Variants in TMEM255A observed in about 807,000 individuals in gnomAD.
The protein encoded by TMEM255A is family with sequence similarity 70, member A.
In TMEM255A, 14 loss-of-function variants were observed where a neutral mutation model predicts 23.5. That is an observed-to-expected ratio of 0.60 (90% CI 0.39 to 0.93). The LOEUF is 0.93. Ranked by LOEUF, TMEM255A falls within the 40% of genes least tolerant of loss-of-function variation. The probability of loss-of-function intolerance (pLI) is 0.00; values close to 1 mark genes in which losing one functional copy is unlikely to be tolerated. For synonymous variants in TMEM255A, 104 were observed against 100.3 expected, an observed-to-expected ratio of 1.04 and a Z score of -0.22; for missense variants, 233 against 261.7, an observed-to-expected ratio of 0.89 and a Z score of 0.76.
At chrX:120,295,312 A>T (rs2147207294) in intron 2 of TMEM255A, among the ~76,000 whole-genome samples, 1 of 110,992 alleles carries the variant, frequency 9.0e-6, no homozygotes, top group African/African-American at 3.3e-5. Context: ...TCAATTTGAG[A>T]CCCCCAAGCC....
rs145224960 is a variant in TMEM255A, at chrX:120,294,118, C to T, written c.202-67G>A. 2,919 of 856,753 alleles carry T rather than the reference C, an allele frequency of 3.4e-3. 50 individuals are homozygous for T. The African/African-American group carries it at 0.052, about 15-fold the overall frequency. The allele number at this position is 856,753 out of a possible 1,213,427, so 70.6% of individuals were successfully genotyped here. A position where few individuals can be genotyped will look rare whatever the true frequency, so the allele number is the denominator to read the frequency against. ...CAGGCTGACCACACAATCATTCCAG[C>T]CCCTTCATATGATTCAGGATAAAAG... On this transcript the variant is annotated intron_variant, in intron 2 of 8. Transcript: ENST00000371369.
At chrX:120,294,337 G>A (rs1209281424) in intron 2 of TMEM255A, among the ~76,000 whole-genome samples, 1 of 106,634 alleles carries the variant, frequency 9.4e-6, no homozygotes, top group African/African-American at 3.4e-5. Flanking sequence ...GGGAGGCTGA[G>A]GCAGGAGAAT....
rs186429083 is a variant in TMEM255A, at chrX:120,303,974, A to G, written c.201+375T>C. ...TTGGTCAGAGTGTCAAGCTGCCAGG[A>G]TCCTCAGATTTCAGGTGAGATCAGA... On this transcript the variant is annotated intron_variant, in intron 2 of 8. Coordinates refer to ENST00000371369, the MANE Select transcript of TMEM255A (RefSeq NM_001104544.3). Among the ~76,000 whole-genome samples the G allele has an allele frequency of 1.1e-3, 125 of 111,474 alleles. 2 individuals are homozygous for G. Among genetic ancestry groups the G allele is most frequent in the Non-Finnish European group, 4.1e-4 (22 of 53,096 alleles).
chrX:120,253,410 A>C, the TMEM255A span: 1 of 1,195,531 alleles, frequency 8.4e-7, no homozygotes, highest in Non-Finnish European at 1.1e-6. Context: ...TCTTTCTCTT[A>C]AAGGCATGGA....
intron 4 of TMEM255A, among the ~76,000 whole-genome samples, chrX:120,288,136 T>C (rs1247310862): frequency 3.6e-5 from 4 of 112,008 alleles, no homozygotes; most frequent in Admixed American, 2.8e-4. Context: ...AATTTATGTA[T>C]TGTCTCCTTC....
intron 2 of TMEM255A, among the ~76,000 whole-genome samples, chrX:120,296,986 TA>T (rs2057989015): frequency 2.6e-4 from 1 of 3,840 alleles, no homozygotes; most frequent in African/African-American, 1.7e-3. Context: ...ATATATTATA[TA>T]TATATTATAT....
At chrX:120,257,486 G>T (rs1394985917), downstream of TMEM255A, 9 of 122,837 alleles carry the variant, frequency 7.3e-5, no homozygotes, top group African/African-American at 2.9e-4. Context: ...TGACAAACCA[G>T]GAACTAATTC....
At chrX:120,296,714 A>C (rs1470397110) in intron 2 of TMEM255A, among the ~76,000 whole-genome samples, 1 of 47,187 alleles carries the variant, frequency 2.1e-5, no homozygotes, top group Non-Finnish European at 3.5e-5. Context: ...TAGGTAAATA[A>C]ATTTAATATA....
chrX:120,311,071 G>A (rs1556028265), intron 1 of TMEM255A, among the ~76,000 whole-genome samples, 181 bp downstream of exon 1: 2 of 111,121 alleles, frequency 1.8e-5, no homozygotes, highest in African/African-American at 3.3e-5. Flanking sequence ...CGCTCCCGCT[G>A]CAGCCAGGCC....
intron 2 of TMEM255A, among the ~76,000 whole-genome samples, chrX:120,297,045 TA>T (rs1326048659): frequency 3.0e-4 from 2 of 6,693 alleles, no homozygotes; most frequent in South Asian, 0.02. Flanking sequence ...ATATAATATA[TA>T]ATATAATATA....
chrX:120,270,929 C>T (rs1002425659), intron 7 of TMEM255A, among the ~76,000 whole-genome samples: 7 of 111,319 alleles, frequency 6.3e-5, no homozygotes, highest in African/African-American at 2.3e-4. Context: ...ACTTTTTACA[C>T]CATGGTCTTA....
intron 5 of TMEM255A, chrX:120,285,628 T>C: frequency 8.3e-7 from 1 of 1,211,555 alleles, no homozygotes; most frequent in East Asian, 3.0e-5. Context: ...ATAGTACCTC[T>C]CTAGCTGCCT....
rs2057661942 is a variant in TMEM255A, at chrX:120,259,534, T to A, written c.*1336A>T. 8.9e-6 allele frequency: 1 copy of A among 111,957 alleles called. No homozygotes were observed. Among genetic ancestry groups the A allele is most frequent in the African/African-American group, 3.3e-5 (1 of 30,662 alleles). 9.2% of individuals were successfully genotyped at this position (111,957 alleles called of 1,213,427 possible). ...AGTGTGTGTTCTGTGTTTGGAGAAC[T>A]GTCTAATTAGGTACCCTCCTGTAGC... On this transcript the variant is annotated 3_prime_UTR_variant, in exon 9 of 9. Coordinates refer to ENST00000371369, the MANE Select transcript of TMEM255A (RefSeq NM_001104544.3).
chrX:120,308,703 T>A (rs1194771222), intron 1 of TMEM255A, among the ~76,000 whole-genome samples: 1 of 112,117 alleles, frequency 8.9e-6, no homozygotes, highest in African/African-American at 3.2e-5. Context: ...GAGGAAGGAA[T>A]GCCCTACTGT....
At chrX:120,268,034 G>A (rs782037870) in intron 8 of TMEM255A, among the ~76,000 whole-genome samples, 1 of 110,874 alleles carries the variant, frequency 9.0e-6, no homozygotes, top group Non-Finnish European at 1.9e-5. Context: ...CTTCTCTTGC[G>A]CAGCTTCCAC....
At chrX:120,270,313 A>G (rs926726087) in intron 7 of TMEM255A, among the ~76,000 whole-genome samples, 3 of 108,329 alleles carry the variant, frequency 2.8e-5, no homozygotes, top group East Asian at 2.9e-4. Context: ...GTGTGTGTGT[A>G]TGTGTATTTC....
rs377655443 is a variant in TMEM255A at position 120,285,657 on chromosome X, C to T, written c.424-442G>A. 1.5e-5 allele frequency: 18 copies of T among 1,210,981 alleles called. No individual in the cohort carries two copies. In the South Asian group the frequency reaches 3.0e-4, roughly 20 times the overall value. ...GCTGCCTGGGTAAGGTTCCTCATAA[C>T]CCTCGTGGAAGGAGAATTTTTGGTT... On this transcript the variant is annotated intron_variant, in intron 5 of 8. Coordinates refer to ENST00000371369, the MANE Select transcript of TMEM255A (RefSeq NM_001104544.3).
In TMEM255A at chrX:120,311,240, C is replaced by A; in HGVS notation, c.58+12G>T. The stretch of plus-strand genomic sequence containing the variant: ...TGCTGCCGCCGCCCGAAGGAAGGGC[C>A]GCTAGACTTACCCATGGAATCGGGC... On this transcript the variant is annotated intron_variant, in intron 1 of 8. Coordinates refer to ENST00000371369, the MANE Select transcript of TMEM255A (RefSeq NM_001104544.3). The A allele has an allele frequency of 8.5e-7, 1 of 1,175,222 alleles. No individual in the cohort carries two copies. The highest frequency in any genetic ancestry group is 1.9e-5 in the South Asian group (1 of 53,173).
At chrX:120,282,277 G>A (rs2057842518) in intron 6 of TMEM255A, among the ~76,000 whole-genome samples, 1 of 111,456 alleles carries the variant, frequency 9.0e-6, no homozygotes, top group African/African-American at 3.3e-5. Flanking sequence ...ATGGCCTGGT[G>A]GGACTGTTTC....
Sources: gnomAD v4.1 joint callset for allele counts (sites outside exome capture counted in the v4.1 genomes callset) on GRCh38, gnomAD v4.1.1 for gene constraint, MANE v1.5 for transcripts, NCBI Gene and HGNC (gene_info 2026-07-23, HGNC 2026-07-21) for gene names.